Variants in MAGI2 observed in about 807,000 individuals in gnomAD.
MAGI2 encodes the protein membrane associated guanylate kinase, WW and PDZ domain containing 2, also known as membrane-associated guanylate kinase, WW and PDZ domain-containing protein 2.
MAGI2 carries 35 observed loss-of-function variants against 133.3 expected under a neutral mutation model. The ratio of observed to expected loss-of-function variants is 0.26; its 90% CI spans 0.20 to 0.35. The LOEUF is 0.35. MAGI2 is among the 10% of genes least tolerant of loss of function. The pLI, the probability that MAGI2 is intolerant of heterozygous loss-of-function variation, is 1.00. For missense variants in MAGI2, 1,636 were observed against 1,863.4 expected, an observed-to-expected ratio of 0.88 and a Z score of 2.25; for synonymous variants, 729 against 710.6, an observed-to-expected ratio of 1.03 and a Z score of -0.41.
chr7:78,323,292 C>T (rs562133735), intron 9 of MAGI2, among the ~76,000 whole-genome samples: 11 of 152,182 alleles, frequency 7.2e-5, no homozygotes, highest in Non-Finnish European at 2.9e-5. Flanking sequence ...CTCATAAAAC[C>T]GAGGACCTCA....
At chr7:78,567,064 AAC>A (rs1212491873) in intron 3 of MAGI2, among the ~76,000 whole-genome samples, 3 of 152,216 alleles carry the variant, frequency 2.0e-5, no homozygotes, top group African/African-American at 2.4e-5. Context: ...AATTTGAGAA[AAC>A]ACATAGTTTA....
intron 9 of MAGI2, among the ~76,000 whole-genome samples, chr7:78,277,651 T>C (rs918422106): frequency 1.3e-5 from 2 of 152,016 alleles, no homozygotes; most frequent in African/African-American, 4.8e-5. Flanking sequence ...CAGAGAAGAA[T>C]GGTGTCTGAA....
At chr7:79,252,593 T>C (rs543742286) in intron 1 of MAGI2, among the ~76,000 whole-genome samples, 180 of 152,234 alleles carry the variant, frequency 1.2e-3, no homozygotes, top group African/African-American at 4.2e-3. Context: ...TAGAAATAAA[T>C]AAAAGAATAT....
intron 2 of MAGI2, among the ~76,000 whole-genome samples, chr7:78,861,307 G>A (rs560144565): frequency 2.0e-5 from 3 of 152,278 alleles, no homozygotes; most frequent in Admixed American, 6.5e-5. Context: ...CTTCTGCATC[G>A]CTCATGCTGG....
chr7:78,327,772 T>C (rs1788733339), intron 9 of MAGI2, among the ~76,000 whole-genome samples: 1 of 152,162 alleles, frequency 6.6e-6, no homozygotes, highest in Admixed American at 6.5e-5. Flanking sequence ...ACTGATGCTG[T>C]GCAATAAGGG....
At chr7:78,347,305 C>T (rs1054291514) in intron 7 of MAGI2, 2 of 152,252 alleles carry the variant, frequency 1.3e-5, no homozygotes, top group Non-Finnish European at 2.9e-5. Flanking sequence ...CAGATCATTT[C>T]AAAGCAGTTC....
intron 9 of MAGI2, among the ~76,000 whole-genome samples, chr7:78,262,497 A>G: frequency 6.6e-6 from 1 of 152,102 alleles, no homozygotes; most frequent in Non-Finnish European, 1.5e-5. Context: ...AACATCCTTT[A>G]GTGCCCACTC....
intron 1 of MAGI2, among the ~76,000 whole-genome samples, chr7:79,115,268 G>A (rs893367170): frequency 6.6e-6 from 1 of 152,156 alleles, no homozygotes; most frequent in Non-Finnish European, 1.5e-5. Flanking sequence ...ATATTCACAG[G>A]TAGAATTCAA....
intron 2 of MAGI2, among the ~76,000 whole-genome samples, chr7:78,684,218 C>T (rs1816018202): frequency 6.6e-6 from 1 of 152,066 alleles, no homozygotes; most frequent in African/African-American, 2.4e-5. Context: ...AAACATATTT[C>T]ATCTTATAAA....
chr7:78,782,818 G>C (rs1826503382), intron 2 of MAGI2, among the ~76,000 whole-genome samples: 2 of 152,016 alleles, frequency 1.3e-5, no homozygotes, highest in Admixed American at 1.3e-4. Context: ...CCTCTGATGA[G>C]AGACTGTAAG....
At chr7:78,837,303 C>T (rs1333249124) in intron 2 of MAGI2, among the ~76,000 whole-genome samples, 1 of 152,140 alleles carries the variant, frequency 6.6e-6, no homozygotes, top group Non-Finnish European at 1.5e-5. Context: ...GTCTTTAAGC[C>T]TATCCTACTC....
At chr7:79,065,469 A>G (rs548834987) in intron 1 of MAGI2, among the ~76,000 whole-genome samples, 1 of 152,148 alleles carries the variant, frequency 6.6e-6, no homozygotes, top group African/African-American at 2.4e-5. Context: ...TTCCAAACAG[A>G]CATCAAGAAC....
intron 3 of MAGI2, among the ~76,000 whole-genome samples, chr7:78,621,478 AAG>A (rs1293394342): frequency 6.6e-6 from 1 of 152,032 alleles, no homozygotes; most frequent in Non-Finnish European, 1.5e-5. Context: ...AGTCATGGAA[AAG>A]AGTCCCTTTA....
intron 2 of MAGI2, among the ~76,000 whole-genome samples, chr7:79,000,711 C>A (rs1014329420): frequency 2.0e-5 from 3 of 152,080 alleles, no homozygotes; most frequent in African/African-American, 4.8e-5. Flanking sequence ...GCATAAATAT[C>A]AAAAATGTTA....
At chr7:78,448,437 G>A (rs1165460742) in intron 6 of MAGI2, among the ~76,000 whole-genome samples, 1 of 152,004 alleles carries the variant, frequency 6.6e-6, no homozygotes, top group Non-Finnish European at 1.5e-5. Context: ...CACCAGCAAC[G>A]AGGGGGCTCA....
chr7:78,199,414 T>C (rs1048618310), intron 11 of MAGI2, among the ~76,000 whole-genome samples: 2 of 152,240 alleles, frequency 1.3e-5, no homozygotes, highest in Non-Finnish European at 1.5e-5. Flanking sequence ...AGAGGCAACA[T>C]GTTTTAAGCA....
intron 1 of MAGI2, among the ~76,000 whole-genome samples, chr7:79,185,515 CAT>C (rs1491192721): frequency 1.9e-5 from 2 of 102,748 alleles, no homozygotes; most frequent in Non-Finnish European, 1.9e-5. Flanking sequence ...CCAATTTGGT[CAT>C]TTTTTTTTTT....
At chr7:79,200,072 T>C (rs556736571) in intron 1 of MAGI2, among the ~76,000 whole-genome samples, 13 of 151,828 alleles carry the variant, frequency 8.6e-5, no homozygotes, top group Non-Finnish European at 1.8e-4. Context: ...TGGCTGTCAA[T>C]TACAGGACTA....
intron 1 of MAGI2, among the ~76,000 whole-genome samples, chr7:79,187,727 T>A (rs1827290059): frequency 6.6e-6 from 1 of 151,806 alleles, no homozygotes; most frequent in Non-Finnish European, 1.5e-5. Context: ...ACCAAATTTA[T>A]AAAAACAAAA....
Sources: allele counts gnomAD v4.1 joint callset (sites outside exome capture counted in the v4.1 genomes callset), GRCh38; gene constraint gnomAD v4.1.1; transcripts MANE v1.5; gene names NCBI Gene and HGNC (gene_info 2026-07-23, HGNC 2026-07-21).